Variants in STMND1 observed in about 807,000 individuals in gnomAD.
STMND1 encodes stathmin domain-containing protein 1.
Under a neutral mutation model 23.0 loss-of-function variants are expected in STMND1, and 17 were observed. That is an observed-to-expected ratio of 0.74 (90% CI 0.51 to 1.11). STMND1 has a LOEUF of 1.11. STMND1 is among the 50% of genes least tolerant of loss of function. The probability of loss-of-function intolerance (pLI) is 0.00; values close to 1 mark genes in which losing one functional copy is unlikely to be tolerated. For missense variants in STMND1, 305 were observed against 329.1 expected (o/e 0.93, Z 0.57); for synonymous variants, 114 against 119.9 (o/e 0.95, Z 0.32).
At position 17,130,666 on chromosome 6, in the gene STMND1, G is replaced by C; in HGVS notation, c.616G>C (p.Ala206Pro). ...GCCTTCAGCCAATCACTCAGATTCA[G>C]CTGAATTAGATGGGGCCGAGGTTGC... ...LLPSANHSDSAELDGAEVAFA... is the reference protein window; with the variant it reads ...LLPSANHSDSPELDGAEVAFA... The change falls in exon 5 of 5, where the codon GCT becomes CCT. Residue 206 changes from alanine to proline, a missense_variant. Physicochemically the swap from Ala to Pro is conservative, Grantham distance 27 (BLOSUM62 -1). Transcript: ENST00000536551. The C allele has an allele frequency of 6.5e-7, 1 of 1,536,080 alleles. No individual in the cohort carries two copies. The highest frequency in any genetic ancestry group is 8.7e-7 in the Non-Finnish European group (1 of 1,146,896).
chr6:17,107,592 C>T (rs959942966), intron 1 of STMND1, among the ~76,000 whole-genome samples: 5 of 152,138 alleles, frequency 3.3e-5, no homozygotes, highest in African/African-American at 1.2e-4. Context: ...CTTCTTTCTT[C>T]TTTCCTCTTT....
chr6:17,118,391 T>C (rs1761188082), intron 2 of STMND1, among the ~76,000 whole-genome samples: 2 of 152,334 alleles, frequency 1.3e-5, no homozygotes, highest in African/African-American at 4.8e-5. Flanking sequence ...GGCGTTTTTT[T>C]AATCTTTTAC....
At chr6:17,112,190 T>C (rs1761104570) in intron 1 of STMND1, among the ~76,000 whole-genome samples, 1 of 152,230 alleles carries the variant, frequency 6.6e-6, no homozygotes, top group African/African-American at 2.4e-5. Context: ...ATCTTCTGTT[T>C]CTATAAATTT....
intron 1 of STMND1, among the ~76,000 whole-genome samples, chr6:17,105,501 C>T (rs1029550415): frequency 1.3e-5 from 2 of 151,920 alleles, no homozygotes; most frequent in Admixed American, 6.6e-5. Context: ...AAAAATTAGC[C>T]GGGCGTGATG....
chr6:17,115,994 G>A (rs1201869438), intron 2 of STMND1, among the ~76,000 whole-genome samples: 1 of 152,190 alleles, frequency 6.6e-6, no homozygotes, highest in African/African-American at 2.4e-5. Context: ...TGCAGCACAG[G>A]AATGGACTCT....
intron 1 of STMND1, among the ~76,000 whole-genome samples, chr6:17,114,265 CTTTT>C (rs529561200): frequency 2.9e-5 from 4 of 140,214 alleles, no homozygotes; most frequent in Non-Finnish European, 4.7e-5. Flanking sequence ...ATTAGATTCT[CTTTT>C]TTTTTTTTTT....
chr6:17,115,222 C>A (rs1761143083), intron 2 of STMND1, 83 bp downstream of exon 2: 1 of 1,316,748 alleles, frequency 7.6e-7, no homozygotes, highest in South Asian at 1.6e-5. Context: ...CTTTGGTGGT[C>A]CTTTTATCAT....
At chr6:17,112,650 G>T (rs1561922729) in intron 1 of STMND1, among the ~76,000 whole-genome samples, 1 of 152,084 alleles carries the variant, frequency 6.6e-6, no homozygotes, top group Non-Finnish European at 1.5e-5. Flanking sequence ...GGTGGCAGGT[G>T]CCTGTAGTCC....
chr6:17,114,356 C>A (rs974031525), intron 1 of STMND1, among the ~76,000 whole-genome samples: 2 of 151,932 alleles, frequency 1.3e-5, no homozygotes. Context: ...CCTCTGCCCC[C>A]TGGGTTCAAG....
rs1347253302 is a variant in STMND1, at chr6:17,115,140, G to A, written c.259+1G>A. ...GAAAGAAACAGACGAGTAAATTCAG[G>A]TAACCTCCCTCTGCCCCCATTCACG... On this transcript the variant is annotated splice_donor_variant, in intron 2 of 4. Transcript: ENST00000536551. LOFTEE classifies it high-confidence loss of function. The A allele has an allele frequency of 7.8e-6, 12 of 1,533,172 alleles. No individual in the cohort carries two copies. The highest frequency in any genetic ancestry group is 1.7e-4 in the Middle Eastern group (1 of 5,994). The allele number at this position is 1,533,172 out of a possible 1,614,324, so 95.0% of individuals were successfully genotyped here.
chr6:17,129,989 T>C (rs1054317589), intron 4 of STMND1, among the ~76,000 whole-genome samples: 1 of 152,180 alleles, frequency 6.6e-6, no homozygotes, highest in African/African-American at 2.4e-5. Context: ...GCCTGGCCTG[T>C]AGCTAGGATT....
chr6:17,103,397 C>A (rs577981435), intron 1 of STMND1, among the ~76,000 whole-genome samples: 65 of 152,160 alleles, frequency 4.3e-4, no homozygotes, highest in Non-Finnish European at 7.8e-4. Context: ...ATCTCTTGGG[C>A]TCTTGGAGTA....
chr6:17,108,916 C>G (rs1056128226), intron 1 of STMND1, among the ~76,000 whole-genome samples: 5 of 152,066 alleles, frequency 3.3e-5, no homozygotes, highest in Non-Finnish European at 7.4e-5. Flanking sequence ...AGGCTAGTCT[C>G]GAATTCCTGA....
At chr6:17,119,725 T>G (rs75015687) in intron 2 of STMND1, among the ~76,000 whole-genome samples, 4,531 of 151,988 alleles carry the variant, frequency 0.03, 238 homozygotes, top group African/African-American at 0.1. Context: ...AAAAGAAATT[T>G]TTATGGGAAG....
intron 3 of STMND1, among the ~76,000 whole-genome samples, chr6:17,122,864 TAGA>T (rs1179592730): frequency 6.6e-6 from 1 of 152,088 alleles, no homozygotes; most frequent in African/African-American, 2.4e-5. Context: ...TTGAAAGTGC[TAGA>T]AGAAGGGATG....
At chr6:17,122,623 A>T (rs572331488) in intron 3 of STMND1, among the ~76,000 whole-genome samples, 1 of 152,244 alleles carries the variant, frequency 6.6e-6, no homozygotes, top group South Asian at 2.1e-4. Flanking sequence ...TCTTTTGAAA[A>T]AGGAAAATAA....
At chr6:17,122,091 G>A (rs114070867) in intron 3 of STMND1, among the ~76,000 whole-genome samples, 226 of 152,050 alleles carry the variant, frequency 1.5e-3, no homozygotes, top group Middle Eastern at 3.4e-3. Flanking sequence ...TTGAACTCCT[G>A]ACCTCGTAAT....
At chr6:17,112,762 G>A (rs6459519) in intron 1 of STMND1, among the ~76,000 whole-genome samples, 47,141 of 151,836 alleles carry the variant, frequency 0.31, 7,455 homozygotes, top group Middle Eastern at 0.34. Flanking sequence ...GGGCGACAGA[G>A]GGAGACTCCG....
intron 1 of STMND1, among the ~76,000 whole-genome samples, chr6:17,109,152 C>T (rs775383232): frequency 2.1e-4 from 32 of 152,154 alleles, no homozygotes; most frequent in Non-Finnish European, 4.4e-4. Context: ...AAAAGCACAT[C>T]GTTGCTTTTA....
Sources: gnomAD v4.1 joint callset for allele counts (sites outside exome capture counted in the v4.1 genomes callset) on GRCh38, gnomAD v4.1.1 for gene constraint, MANE v1.5 for transcripts, NCBI Gene and HGNC (gene_info 2026-07-23, HGNC 2026-07-21) for gene names.